The following NKAIN2 variants were observed in gnomAD, a reference collection of about 807,000 sequenced individuals.
NKAIN2 encodes sodium/potassium transporting ATPase interacting 2.
A neutral mutation model predicts 32.6 loss-of-function variants in NKAIN2; 14 were observed. The observed-to-expected ratio is 0.43, with a 90% CI of 0.28 to 0.67. The LOEUF (loss-of-function observed/expected upper bound fraction) is 0.67, where lower values mean the gene tolerates loss of function less well. NKAIN2 is among the 30% of genes least tolerant of loss of function. The pLI is 0.17. For missense variants in NKAIN2, 198 were observed against 258.3 expected, an observed-to-expected ratio of 0.77 and a Z score of 1.60; for synonymous variants, 80 against 87.2, an observed-to-expected ratio of 0.92 and a Z score of 0.46.
intron 2 of NKAIN2, among the ~76,000 whole-genome samples, chr6:124,299,727 A>T (rs1316098908): frequency 1.3e-5 from 2 of 152,048 alleles, no homozygotes; most frequent in Non-Finnish European, 2.9e-5. Context: ...ATTATCCTAT[A>T]TTTTTCTATT....
At chr6:124,607,557 G>A (rs1782543817) in intron 3 of NKAIN2, among the ~76,000 whole-genome samples, 1 of 152,098 alleles carries the variant, frequency 6.6e-6, no homozygotes, top group Admixed American at 6.6e-5. Context: ...AAAATATAGA[G>A]ATAGTCTCAA....
chr6:124,179,166 C>G (rs1789311924), intron 1 of NKAIN2, among the ~76,000 whole-genome samples: 1 of 152,172 alleles, frequency 6.6e-6, no homozygotes, highest in South Asian at 2.1e-4. Flanking sequence ...ATGTTTCCTA[C>G]CAAATAATTA....
intron 3 of NKAIN2, among the ~76,000 whole-genome samples, chr6:124,527,428 C>T (rs544654222): frequency 6.6e-6 from 1 of 152,278 alleles, no homozygotes; most frequent in South Asian, 2.1e-4. Flanking sequence ...TTCTGAACAT[C>T]TCTAAATAAT....
At chr6:124,021,146 C>T (rs234463) in intron 1 of NKAIN2, among the ~76,000 whole-genome samples, 53,403 of 151,648 alleles carry the variant, frequency 0.35, 9,693 homozygotes, top group Non-Finnish European at 0.39. Context: ...AAATTATAGC[C>T]CATAGGATTT....
At chr6:124,080,765 G>T (rs935103831) in intron 1 of NKAIN2, among the ~76,000 whole-genome samples, 2 of 152,006 alleles carry the variant, frequency 1.3e-5, no homozygotes, top group Non-Finnish European at 2.9e-5. Flanking sequence ...TTTATAGAAG[G>T]CCTTTTATAT....
chr6:124,184,610 A>G (rs796282723), intron 1 of NKAIN2, among the ~76,000 whole-genome samples: 8 of 152,292 alleles, frequency 5.3e-5, no homozygotes, highest in African/African-American at 1.9e-4. Context: ...AATAAGACTA[A>G]GCTAATGGAT....
intron 1 of NKAIN2, among the ~76,000 whole-genome samples, chr6:124,130,205 C>A (rs969050754): frequency 6.6e-6 from 1 of 152,138 alleles, no homozygotes; most frequent in African/African-American, 2.4e-5. Flanking sequence ...GATCCCATTA[C>A]CCAGGCAAAG....
In NKAIN2 at chr6:124,124,046, G is replaced by A. The variant is rs987388446; in HGVS notation, c.55-158959G>A. Among the ~76,000 whole-genome samples the A allele has an allele frequency of 3.3e-5, 5 of 152,158 alleles. No individual in the cohort carries two copies. The South Asian group carries it at 6.2e-4, about 19-fold the overall frequency. On this transcript the variant is annotated intron_variant, in intron 1 of 6. Coordinates refer to ENST00000368417, the MANE Select transcript of NKAIN2 (RefSeq NM_001040214.3). ...TTTATTACTGCCTTTCACACTAGAC[G>A]ATGCAGCTATGATGCTGTCATACTT...
At chr6:124,257,671 C>A (rs1309438157) in intron 1 of NKAIN2, among the ~76,000 whole-genome samples, 1 of 152,092 alleles carries the variant, frequency 6.6e-6, no homozygotes, top group Non-Finnish European at 1.5e-5. Context: ...GATGGGTTTG[C>A]ACTTGCATTC....
intron 3 of NKAIN2, among the ~76,000 whole-genome samples, chr6:124,653,240 CAA>C (rs1053288666): frequency 1.3e-5 from 2 of 151,896 alleles, no homozygotes; most frequent in African/African-American, 4.8e-5. Flanking sequence ...CACCTAACCT[CAA>C]GAGTTAATAT....
chr6:123,851,244 A>ATTTTTTTTTTT lies in NKAIN2; in HGVS notation c.54+47003_54+47013dup, dbSNP rs59287833. ...GATTGCTGGATCATATGGTGGTTCT[A>ATTTTTTTTTTT]TTTTTTTTTTTTTTTTTTTTTTTGA... On this transcript the variant is annotated intron_variant, in intron 1 of 6. Coordinates refer to ENST00000368417, the MANE Select transcript of NKAIN2 (RefSeq NM_001040214.3). 1.2e-4 allele frequency among the ~76,000 whole-genome samples: 11 copies of ATTTTTTTTTTT among 88,192 alleles called. 1 individual carries two copies. Among genetic ancestry groups the ATTTTTTTTTTT allele is most frequent in the East Asian group, 4.0e-4 (1 of 2,510 alleles). The allele number at this position is 88,192 out of a possible 152,430, so 57.9% of individuals were successfully genotyped here.
At chr6:124,529,085 T>A (rs1358768283) in intron 3 of NKAIN2, among the ~76,000 whole-genome samples, 1 of 152,198 alleles carries the variant, frequency 6.6e-6, no homozygotes, top group Admixed American at 6.5e-5. Context: ...ATAAATATCA[T>A]GACAATAGTC....
At chr6:124,319,034 GT>G (rs1320715819) in intron 2 of NKAIN2, among the ~76,000 whole-genome samples, 2 of 151,962 alleles carry the variant, frequency 1.3e-5, no homozygotes, top group Non-Finnish European at 2.9e-5. Context: ...TATCCAGGTG[GT>G]TTCTGGGCTA....
At chr6:124,032,544 T>G (rs994747986) in intron 1 of NKAIN2, among the ~76,000 whole-genome samples, 1 of 152,082 alleles carries the variant, frequency 6.6e-6, no homozygotes, top group Admixed American at 6.6e-5. Context: ...TTTGTTGTCA[T>G]TTTTACCATT....
At chr6:124,195,591 G>A (rs1422976343) in intron 1 of NKAIN2, among the ~76,000 whole-genome samples, 1 of 152,144 alleles carries the variant, frequency 6.6e-6, no homozygotes, top group East Asian at 1.9e-4. Flanking sequence ...TCCAAAGGCA[G>A]TGAAGTCACT....
At chr6:124,531,697 C>T (rs143161854) in intron 3 of NKAIN2, among the ~76,000 whole-genome samples, 22 of 152,166 alleles carry the variant, frequency 1.4e-4, no homozygotes, top group East Asian at 1.9e-4. Flanking sequence ...TTTTCCAAGA[C>T]GGAGTCTCAC....
chr6:124,077,723 C>T (rs1224273921), intron 1 of NKAIN2, among the ~76,000 whole-genome samples: 1 of 151,640 alleles, frequency 6.6e-6, no homozygotes, highest in Non-Finnish European at 1.5e-5. Context: ...CAGCCTGCCT[C>T]CCTTGTGGGA....
intron 1 of NKAIN2, among the ~76,000 whole-genome samples, chr6:123,909,603 C>T (rs1253592257): frequency 6.6e-6 from 1 of 152,170 alleles, no homozygotes; most frequent in East Asian, 1.9e-4. Flanking sequence ...GCATTCTTCC[C>T]ACCCAACCCA....
chr6:123,953,310 T>C (rs1248574870), intron 1 of NKAIN2, among the ~76,000 whole-genome samples: 1 of 152,114 alleles, frequency 6.6e-6, no homozygotes, highest in East Asian at 1.9e-4. Flanking sequence ...GGGTGGCGTA[T>C]GTTGGCACTG....
Sources: gnomAD v4.1 joint callset for allele counts (sites outside exome capture counted in the v4.1 genomes callset) on GRCh38, gnomAD v4.1.1 for gene constraint, MANE v1.5 for transcripts, NCBI Gene and HGNC (gene_info 2026-07-23, HGNC 2026-07-21) for gene names.